Variants in CDK13 observed in about 807,000 individuals in gnomAD.
CDK13 encodes the protein cyclin-dependent kinase 13.
CDK13 carries 40 observed loss-of-function variants against 137.6 expected under a neutral mutation model. That is an observed-to-expected ratio of 0.29 (90% CI 0.23 to 0.38). The LOEUF (loss-of-function observed/expected upper bound fraction) is 0.38. Among genes scored for constraint, CDK13 ranks in the 10% least tolerant of loss-of-function variants. The pLI is 1.00. For synonymous variants in CDK13, 869 were observed against 760.1 expected, an observed-to-expected ratio of 1.14 and a Z score of -2.36; for missense variants, 1,704 against 1,951.8, an observed-to-expected ratio of 0.87 and a Z score of 2.39.
intron 1 of CDK13, among the ~76,000 whole-genome samples, chr7:39,970,162 G>A (rs1427130684): frequency 6.6e-6 from 1 of 151,646 alleles, no homozygotes; most frequent in Non-Finnish European, 1.5e-5. Context: ...GTGCCATCAC[G>A]CCCAGCTAAA....
chr7:39,950,349 C>T lies in CDK13; in HGVS notation c.-293C>T, dbSNP rs1057297769. ...GAGGACTCGGGACTCCCCCGCAGGT[C>T]AGCGCCCGGCGCATCTGGTGTTTTC... On this transcript the variant is annotated 5_prime_UTR_variant, in exon 1 of 14. Transcript: ENST00000181839. The T allele has an allele frequency of 5.1e-6, 6 of 1,178,170 alleles. No individual in the cohort carries two copies. Among genetic ancestry groups the T allele is most frequent in the Admixed American group, 9.1e-5 (2 of 21,988 alleles). 73.0% of individuals were successfully genotyped at this position (1,178,170 alleles called of 1,614,324 possible).
At chr7:40,017,952 T>C (rs1785037103) in intron 5 of CDK13, among the ~76,000 whole-genome samples, 1 of 151,946 alleles carries the variant, frequency 6.6e-6, no homozygotes, top group South Asian at 2.1e-4. Context: ...TCCCACATGT[T>C]CTGAGGATTC....
At chr7:40,045,635 ATAGAT>A (rs1785720284) in intron 5 of CDK13, among the ~76,000 whole-genome samples, 196 bp from the exon 6 acceptor site, 1 of 151,554 alleles carries the variant, frequency 6.6e-6, no homozygotes, top group Admixed American at 6.6e-5. Context: ...GGAGAAGAAA[ATAGAT>A]TAGATGTTTT....
In CDK13 at chr7:40,045,959, A is replaced by G. The variant is rs1402647841; in HGVS notation, c.2477A>G (p.Asp826Gly). 2 of 1,612,440 alleles carry G rather than the reference A, an allele frequency of 1.2e-6. No homozygotes were observed. The highest frequency in any genetic ancestry group is 1.7e-6 in the Non-Finnish European group (2 of 1,178,802). The change falls in exon 6 of 14, where the codon GAT becomes GGT. Residue 826 changes from aspartate to glycine, a missense_variant. Transcript: ENST00000181839. ...ATGAGACAGCTCATGGAGGGTCTGGATTATTGTCATAAGAAGAACTTTTTG... is the reference window on the plus strand; with the variant it reads ...ATGAGACAGCTCATGGAGGGTCTGGGTTATTGTCATAAGAAGAACTTTTTG... ...SFMRQLMEGL[D>G]YCHKKNFLHR...
intron 5 of CDK13, among the ~76,000 whole-genome samples, chr7:40,029,835 G>A (rs1785329211): frequency 6.6e-6 from 1 of 151,948 alleles, no homozygotes; most frequent in Non-Finnish European, 1.5e-5. Flanking sequence ...TGTAGTTTTA[G>A]TAGAGACGGA....
intron 2 of CDK13, among the ~76,000 whole-genome samples, chr7:39,997,211 G>A (rs756338438): frequency 7.2e-5 from 11 of 151,918 alleles, no homozygotes; most frequent in East Asian, 1.9e-4. Flanking sequence ...TGGTACATTC[G>A]TTAACAATTA....
Position 39,996,983 on chromosome 7 carries a change from A to AAAAAAG in CDK13, c.1872-505_1872-500dup, listed in dbSNP as rs1784577061. The stretch of plus-strand genomic sequence containing the variant: ...TCTCAAAAAAAAAAAAAAAGAAAAA[A>AAAAAAG]AAAAAGAAAAATGCTTTGCAAAACT... On this transcript the variant is annotated intron_variant, in intron 2 of 13. Transcript: ENST00000181839. Among the ~76,000 whole-genome samples, 108 of 141,428 alleles carry AAAAAAG rather than the reference A, an allele frequency of 7.6e-4. 1 individual carries two copies. Among genetic ancestry groups the AAAAAAG allele is most frequent in the African/African-American group, 2.7e-3 (89 of 33,540 alleles). 92.8% of individuals were successfully genotyped at this position (141,428 alleles called of 152,430 possible). A position where few individuals can be genotyped will look rare whatever the true frequency, so the allele number is the denominator to read the frequency against.
chr7:40,022,448 G>A (rs1785147180), intron 5 of CDK13, among the ~76,000 whole-genome samples: 1 of 152,040 alleles, frequency 6.6e-6, no homozygotes, highest in African/African-American at 2.4e-5. Flanking sequence ...TCTTCTACAG[G>A]TCATGGCTTT....
chr7:40,035,319 T>G (rs906536524), intron 5 of CDK13, among the ~76,000 whole-genome samples: 2 of 152,162 alleles, frequency 1.3e-5, no homozygotes, highest in Non-Finnish European at 2.9e-5. Flanking sequence ...TAAACCAGGG[T>G]TTCCCAGCCC....
chr7:40,082,989 G>C (rs1786701836), intron 11 of CDK13, among the ~76,000 whole-genome samples: 1 of 151,512 alleles, frequency 6.6e-6, no homozygotes, highest in African/African-American at 2.4e-5. Context: ...TGTAATCCCA[G>C]CTACTCCAGA....
At chr7:40,071,045 A>T (rs969118416) in intron 9 of CDK13, 2 of 152,116 alleles carry the variant, frequency 1.3e-5, no homozygotes, top group African/African-American at 4.8e-5. Context: ...CACAGGTGAA[A>T]TTTTTTAAAC....
At chr7:39,979,610 G>C (rs1784182255) in intron 1 of CDK13, among the ~76,000 whole-genome samples, 1 of 152,106 alleles carries the variant, frequency 6.6e-6, no homozygotes, top group Non-Finnish European at 1.5e-5. Context: ...GGAAGAGGAG[G>C]ATGTGGTAGG....
Position 39,951,357 on chromosome 7 carries a change from G to C in CDK13, c.716G>C (p.Gly239Ala), listed in dbSNP as rs574254115. 1 of 1,497,174 alleles carries C rather than the reference G, an allele frequency of 6.7e-7. No homozygotes were observed. Among genetic ancestry groups the C allele is most frequent in the South Asian group, 1.3e-5 (1 of 79,706 alleles). 92.7% of individuals were successfully genotyped at this position (1,497,174 alleles called of 1,614,324 possible). The change falls in exon 1 of 14, where the codon GGC becomes GCC. Residue 239 changes from glycine to alanine, a missense_variant. Physicochemically the swap from Gly to Ala is moderately conservative, Grantham distance 60. Coordinates refer to ENST00000181839, the MANE Select transcript of CDK13 (RefSeq NM_003718.5). ...TCCCGCAGCCGCCACAGCCACAGCG[G>C]CGAGGAACGGGCCGAGGTCGCCAAG... ...SKSRSRHSHS[G>A]EERAEVAKSG...
At chr7:40,007,834 A>G (rs1012931324) in intron 5 of CDK13, among the ~76,000 whole-genome samples, 12 of 152,214 alleles carry the variant, frequency 7.9e-5, no homozygotes, top group Non-Finnish European at 1.8e-4. Flanking sequence ...TGTGCAGCAC[A>G]CAGTTGATTA....
At chr7:40,010,306 G>T (rs1362431418) in intron 5 of CDK13, among the ~76,000 whole-genome samples, 3 of 152,108 alleles carry the variant, frequency 2.0e-5, no homozygotes, top group Admixed American at 2.0e-4. Context: ...TAGAGTTTGT[G>T]CTCCTATGAG....
intron 1 of CDK13, among the ~76,000 whole-genome samples, chr7:39,982,915 A>G (rs997108561): frequency 6.6e-6 from 1 of 152,140 alleles, no homozygotes; most frequent in Non-Finnish European, 1.5e-5. Context: ...TCTGGGTATT[A>G]GCCCTTTGTC....
At chr7:40,010,927 C>T (rs1082033) in intron 5 of CDK13, among the ~76,000 whole-genome samples, 151,297 of 152,318 alleles carry the variant, frequency 0.99, 75,150 homozygotes, top group East Asian at 1. Flanking sequence ...GAGAATAAAA[C>T]ATCTAGAAAT....
chr7:40,067,693 A>G (rs1351520558), intron 9 of CDK13: 1 of 152,358 alleles, frequency 6.6e-6, no homozygotes, highest in Non-Finnish European at 1.5e-5. Flanking sequence ...TCATGCCTGT[A>G]ATCCCAGCAC....
At chr7:40,057,314 A>C (rs1378564728) in intron 7 of CDK13, among the ~76,000 whole-genome samples, 1 of 152,202 alleles carries the variant, frequency 6.6e-6, no homozygotes, top group Non-Finnish European at 1.5e-5. Flanking sequence ...AAGATTATTT[A>C]ACCATACCAC....
Sources: gnomAD v4.1 joint callset for allele counts (sites outside exome capture counted in the v4.1 genomes callset) on GRCh38, gnomAD v4.1.1 for gene constraint, MANE v1.5 for transcripts, NCBI Gene and HGNC (gene_info 2026-07-23, HGNC 2026-07-21) for gene names.